Variants in SLC1A2 observed in about 807,000 individuals in gnomAD.
SLC1A2 encodes excitatory amino acid transporter 2.
Under a neutral mutation model 48.8 loss-of-function variants are expected in SLC1A2, and 15 were observed. That is an observed-to-expected ratio of 0.31 (90% CI 0.21 to 0.47). SLC1A2 has a LOEUF of 0.47. SLC1A2 is among the 20% of genes least tolerant of loss of function. The pLI, the probability that SLC1A2 is intolerant of heterozygous loss-of-function variation, is 0.99. For synonymous variants in SLC1A2, 279 were observed against 272.6 expected (o/e 1.02, Z -0.23); for missense variants, 502 against 730.5 (o/e 0.69, Z 3.61).
At chr11:35,307,806 A>G (rs1851560561) in intron 4 of SLC1A2, among the ~76,000 whole-genome samples, 1 of 152,178 alleles carries the variant, frequency 6.6e-6, no homozygotes, top group African/African-American at 2.4e-5. Context: ...GTTATTTAAA[A>G]TGGATGGGAA....
At chr11:35,291,067 T>C (rs1024359978) in intron 7 of SLC1A2, among the ~76,000 whole-genome samples, 1 of 152,190 alleles carries the variant, frequency 6.6e-6, no homozygotes, top group Non-Finnish European at 1.5e-5. Flanking sequence ...TAGCATTGCA[T>C]GGGCACAGGT....
chr11:35,272,787 G>A (rs1157119628), intron 9 of SLC1A2, among the ~76,000 whole-genome samples: 2 of 152,198 alleles, frequency 1.3e-5, no homozygotes, highest in African/African-American at 4.8e-5. Flanking sequence ...GAAGATGAAA[G>A]CAGATCTTGC....
At chr11:35,306,306 G>C (rs1456241473) in intron 4 of SLC1A2, 64 bp from the exon 5 acceptor site, 2 of 1,197,984 alleles carry the variant, frequency 1.7e-6, no homozygotes, top group Non-Finnish European at 2.4e-6. Flanking sequence ...AAAAAAAAAA[G>C]ATTGGCTACT....
At chr11:35,303,665 A>T (rs990935795) in intron 5 of SLC1A2, among the ~76,000 whole-genome samples, 1 of 152,228 alleles carries the variant, frequency 6.6e-6, no homozygotes, top group Non-Finnish European at 1.5e-5. Flanking sequence ...ACTGGAATAA[A>T]AAAAGCTCCA....
chr11:35,286,909 A>AT lies in SLC1A2; in HGVS notation c.1133dup (p.Asn378LysfsTer5). On this transcript the variant is annotated frameshift_variant, in exon 8 of 11. Coordinates refer to ENST00000278379, the MANE Select transcript of SLC1A2 (RefSeq NM_004171.4). LOFTEE classifies it high-confidence loss of function. ...TAGTCACACGCTTATCAATCCCCAGATTTTCTTCCAGGCAACGAAAGGTGA... is the reference window on the plus strand; with the variant it reads ...TAGTCACACGCTTATCAATCCCCAGATTTTTCTTCCAGGCAACGAAAGGTGA... The AT allele has an allele frequency of 6.2e-7, 1 of 1,614,030 alleles. No homozygotes were observed. Among genetic ancestry groups the AT allele is most frequent in the South Asian group, 1.1e-5 (1 of 91,084 alleles).
At chr11:35,324,259 G>T (rs930575966) in intron 1 of SLC1A2, among the ~76,000 whole-genome samples, 1 of 152,204 alleles carries the variant, frequency 6.6e-6, no homozygotes, top group African/African-American at 2.4e-5. Context: ...AATAAAAGTT[G>T]TATTTGTTTG....
intron 6 of SLC1A2, chr11:35,299,371 G>GTATATATATATACATATA (rs1565223964): frequency 8.6e-6 from 1 of 116,182 alleles, no homozygotes; most frequent in African/African-American, 2.7e-5. Context: ...GTGTGTGTGT[G>GTATATATATATACATATA]TATATATATA....
chr11:35,273,080 A>G (rs913829809), intron 9 of SLC1A2, among the ~76,000 whole-genome samples: 1 of 152,202 alleles, frequency 6.6e-6, no homozygotes, highest in Admixed American at 6.5e-5. Context: ...ATTGAACCAT[A>G]TGAAATTGCC....
rs1168330786 is a variant in SLC1A2 at position 35,254,476 on chromosome 11, C to A, written c.*6418G>T. ...GCTCCATGGGTCCATGGGGGAGAAA[C>A]CTCAGAGATGTGCTGGACCAACTTC... is the stretch of plus-strand genomic sequence containing the variant. On this transcript the variant is annotated 3_prime_UTR_variant, in exon 11 of 11. Transcript: ENST00000278379. 2 of 218,388 alleles carry A rather than the reference C, an allele frequency of 9.2e-6. No homozygotes were observed. The highest frequency in any genetic ancestry group is 1.9e-5 in the Non-Finnish European group (2 of 107,124). 13.5% of individuals were successfully genotyped at this position (218,388 alleles called of 1,614,324 possible). A position where few individuals can be genotyped will look rare whatever the true frequency, so the allele number is the denominator to read the frequency against.
intron 10 of SLC1A2, chr11:35,261,587 G>A (rs929130774): frequency 1.3e-5 from 5 of 397,798 alleles, no homozygotes; most frequent in African/African-American, 8.2e-5. Context: ...TCTATATTAT[G>A]CTTCCCTGGC....
In SLC1A2 at chr11:35,306,228, C is replaced by T. The variant is rs775571314; in HGVS notation, c.576G>A (p.Thr192=). ...QACFQQIQTV[T]KKVLVAPPPD... is the part of the protein sequence containing the mutation. ...GCGGTGGTGCAACCAGGACTTTCTT[C>T]GTCACTGTTTGAATCTAACAGAGTG... Residue 192 remains threonine, a synonymous_variant, in exon 5 of 11, where the codon ACG becomes ACA. Transcript: ENST00000278379. 5 of 1,613,086 alleles carry T rather than the reference C, an allele frequency of 3.1e-6. 1 individual carries two copies. Among genetic ancestry groups the T allele is most frequent in the Admixed American group, 1.7e-5 (1 of 59,960 alleles).
At chr11:35,298,945 T>C (rs948409519) in intron 6 of SLC1A2, 16 of 152,192 alleles carry the variant, frequency 1.1e-4, no homozygotes, top group African/African-American at 3.9e-4. Flanking sequence ...CTGCTAGAAA[T>C]TCTAGGAAAC....
intron 1 of SLC1A2, among the ~76,000 whole-genome samples, chr11:35,330,841 G>T (rs905287494): frequency 2.6e-5 from 4 of 152,212 alleles, no homozygotes; most frequent in Non-Finnish European, 5.9e-5. Flanking sequence ...AGAAAAGAAT[G>T]CAGCCCTGCT....
At chr11:35,379,516 TAGCAATTTGGG>T (rs1320267152) in intron 1 of SLC1A2, among the ~76,000 whole-genome samples, 1 of 152,244 alleles carries the variant, frequency 6.6e-6, no homozygotes, top group Non-Finnish European at 1.5e-5. Flanking sequence ...AGAGATCACC[TAGCAATTTGGG>T]AGCTTAGAAG....
In SLC1A2 at chr11:35,419,020, G is replaced by T. The variant is rs935844951; in HGVS notation, c.-54C>A. ...CACTATCCGGCAGCTGTGGGCGAGG[G>T]AGAAAGCGGACGCCGGGGTGAGCGC... On this transcript the variant is annotated 5_prime_UTR_variant, in exon 1 of 11. Coordinates refer to ENST00000278379, the MANE Select transcript of SLC1A2 (RefSeq NM_004171.4). The surrounding 1 kb of genome is among the most constrained non-coding windows in gnomAD (Gnocchi z 5.4). 1.1e-5 allele frequency: 17 copies of T among 1,519,334 alleles called. No individual in the cohort carries two copies. In the East Asian group the frequency reaches 4.1e-4, roughly 36 times the overall value. The allele number at this position is 1,519,334 out of a possible 1,614,324, so 94.1% of individuals were successfully genotyped here. A position where few individuals can be genotyped will look rare whatever the true frequency, so the allele number is the denominator to read the frequency against.
intron 9 of SLC1A2, among the ~76,000 whole-genome samples, chr11:35,267,106 G>A (rs549113024): frequency 2.4e-4 from 36 of 152,286 alleles, no homozygotes; most frequent in Non-Finnish European, 4.7e-4. Flanking sequence ...CAGTGTGATC[G>A]GGTCTACATC....
intron 1 of SLC1A2, among the ~76,000 whole-genome samples, chr11:35,333,827 A>ATTTTTTT (rs373988431): frequency 3.9e-3 from 486 of 125,480 alleles, no homozygotes; most frequent in East Asian, 6.5e-3. Flanking sequence ...ATGCCAGCTA[A>ATTTTTTT]TTTTTTTTTT....
At chr11:35,357,932 G>C (rs564971671) in intron 1 of SLC1A2, among the ~76,000 whole-genome samples, 1 of 152,278 alleles carries the variant, frequency 6.6e-6, no homozygotes, top group Non-Finnish European at 1.5e-5. Flanking sequence ...AGATCACCAG[G>C]TCAAGAGATT....
intron 1 of SLC1A2, among the ~76,000 whole-genome samples, chr11:35,324,097 G>A (rs1852162099): frequency 6.6e-6 from 1 of 152,238 alleles, no homozygotes; most frequent in African/African-American, 2.4e-5. Flanking sequence ...GAAATCGAAG[G>A]AGAAGAGCCT....
Sources: allele counts gnomAD v4.1 joint callset (sites outside exome capture counted in the v4.1 genomes callset), GRCh38; gene constraint gnomAD v4.1.1; non-coding constraint Gnocchi (gnomAD v3.1); transcripts MANE v1.5; gene names NCBI Gene and HGNC (gene_info 2026-07-23, HGNC 2026-07-21).